EDN3: variants seen among roughly 807,000 people sequenced by gnomAD.
EDN3 encodes the protein endothelin 3, also known as endothelin-3.
A neutral mutation model predicts 21.4 loss-of-function variants in EDN3; 9 were observed. The observed-to-expected ratio is 0.42, with a 90% confidence interval of 0.25 to 0.73. EDN3 has a LOEUF of 0.73. Ranked by LOEUF, EDN3 falls within the 30% of genes least tolerant of loss-of-function variation. EDN3 has a pLI of 0.26. For missense variants in EDN3, 327 were observed against 309.4 expected (o/e 1.06, Z -0.43); for synonymous variants, 133 against 126.2 (o/e 1.05, Z -0.36).
At chr20:59,321,401 C>G (rs1274565183) in intron 3 of EDN3, among the ~76,000 whole-genome samples, 1 of 152,330 alleles carries the variant, frequency 6.6e-6, no homozygotes, top group African/African-American at 2.4e-5. Flanking sequence ...CGTCCCCACC[C>G]CCTTGCTGCC....
chr20:59,318,579 T>G (rs3026583), intron 2 of EDN3, among the ~76,000 whole-genome samples: 1 of 152,142 alleles, frequency 6.6e-6, no homozygotes, highest in African/African-American at 2.4e-5. Context: ...GTCAGCAGAC[T>G]GCACACCCGG....
chr20:59,301,638 C>A lies in EDN3; in HGVS notation c.281C>A (p.Ser94Tyr), dbSNP rs1195179854. The change falls in exon 2 of 5, where the codon TCC becomes TAC. Residue 94 changes from serine to tyrosine, a missense_variant. Transcript: ENST00000337938. ...GAGGGGGCCCCTGAGCACCACCGAT[C>A]CAGGCGCTGCACGTGCTTCACCTAC... is the stretch of plus-strand genomic sequence containing the variant. ...AAEGAPEHHRSRRCTCFTYKD... is the reference protein window; with the variant it reads ...AAEGAPEHHRYRRCTCFTYKD... The A allele has an allele frequency of 1.2e-6, 2 of 1,614,076 alleles. No individual in the cohort carries two copies.
At chr20:59,311,052 CA>C (rs928697186) in intron 2 of EDN3, among the ~76,000 whole-genome samples, 62 of 150,844 alleles carry the variant, frequency 4.1e-4, no homozygotes, top group East Asian at 2.1e-3. Context: ...AAAATGAGTG[CA>C]AAAAAAAATT....
At chr20:59,312,252 C>T (rs1237162997) in intron 2 of EDN3, among the ~76,000 whole-genome samples, 1 of 152,186 alleles carries the variant, frequency 6.6e-6, no homozygotes, top group Non-Finnish European at 1.5e-5. Flanking sequence ...GAGAGAAACT[C>T]TAGCCTAACT....
At position 59,306,095 on chromosome 20, in the gene EDN3, G is replaced by A. The variant is rs184681764; in HGVS notation, c.365+4373G>A. Among the ~76,000 whole-genome samples, 90 of 152,176 alleles carry A rather than the reference G, an allele frequency of 5.9e-4. No individual in the cohort carries two copies. In the East Asian group the frequency reaches 0.017, roughly 28 times the overall value. ...AAAGAGCCCCACTGTGCTCCTCCCCGCCCCATGAGCTGAGGGATCCTGCCA... is the reference window on the plus strand; with the variant it reads ...AAAGAGCCCCACTGTGCTCCTCCCCACCCCATGAGCTGAGGGATCCTGCCA... On this transcript the variant is annotated intron_variant, in intron 2 of 4. Coordinates refer to ENST00000337938, the MANE Select transcript of EDN3 (RefSeq NM_207034.3).
At chr20:59,304,706 A>C (rs949256931) in intron 2 of EDN3, among the ~76,000 whole-genome samples, 1 of 152,024 alleles carries the variant, frequency 6.6e-6, no homozygotes, top group Non-Finnish European at 1.5e-5. Flanking sequence ...CATCTCCTCA[A>C]GGGAAGTTAA....
At chr20:59,317,169 T>C (rs1990236804) in intron 2 of EDN3, among the ~76,000 whole-genome samples, 1 of 152,142 alleles carries the variant, frequency 6.6e-6, no homozygotes, top group Non-Finnish European at 1.5e-5. Flanking sequence ...AGGCCACAAA[T>C]GAAATATGAA....
At chr20:59,302,000 A>C (rs1338612769) in intron 2 of EDN3, among the ~76,000 whole-genome samples, 1 of 152,110 alleles carries the variant, frequency 6.6e-6, no homozygotes, top group Non-Finnish European at 1.5e-5. Flanking sequence ...AAGTGAACTG[A>C]CCAGGGGGAT....
chr20:59,317,285 T>G (rs1195816388), intron 2 of EDN3, among the ~76,000 whole-genome samples: 2 of 152,232 alleles, frequency 1.3e-5, no homozygotes, highest in Non-Finnish European at 2.9e-5. Context: ...TGAGGTGACC[T>G]GTGGCCTTGG....
rs140300253 is a variant in EDN3, at chr20:59,323,953, T to C, written c.589-378T>C. 9.2e-5 allele frequency among the ~76,000 whole-genome samples: 14 copies of C among 152,344 alleles called. No individual in the cohort carries two copies. In the East Asian group the frequency reaches 2.1e-3, roughly 23 times the overall value. ...GTAAAGCTCTAGTAAGAAGCTTTAC[T>C]TGGGAAGAAAAAGTCTCTTATTAAG... On this transcript the variant is annotated intron_variant, in intron 4 of 4. Transcript: ENST00000337938.
Position 59,300,731 on chromosome 20 carries a change from A to C in EDN3, c.-82A>C. 1 of 1,457,898 alleles carries C rather than the reference A, an allele frequency of 6.9e-7. No individual in the cohort carries two copies. Among genetic ancestry groups the C allele is most frequent in the South Asian group, 1.2e-5 (1 of 83,398 alleles). 90.3% of individuals were successfully genotyped at this position (1,457,898 alleles called of 1,614,324 possible). A position where few individuals can be genotyped will look rare whatever the true frequency, so the allele number is the denominator to read the frequency against. ...ACCCCCACAGCTGGAGGGCGAGGCCAGCTGTACCCGGCCCCAGTGCCCTTT... is the reference window on the plus strand; with the variant it reads ...ACCCCCACAGCTGGAGGGCGAGGCCCGCTGTACCCGGCCCCAGTGCCCTTT... On this transcript the variant is annotated 5_prime_UTR_variant, in exon 1 of 5. Transcript: ENST00000337938.
intron 2 of EDN3, among the ~76,000 whole-genome samples, chr20:59,307,466 G>C (rs1208525949): frequency 6.6e-6 from 1 of 152,248 alleles, no homozygotes; most frequent in East Asian, 1.9e-4. Context: ...CAGCCCAGAA[G>C]TTTGGCCCTG....
chr20:59,304,506 CTTGAACT>C (rs1055828421), intron 2 of EDN3, among the ~76,000 whole-genome samples: 1 of 152,206 alleles, frequency 6.6e-6, no homozygotes, highest in Non-Finnish European at 1.5e-5. Flanking sequence ...AGTCAGGGGT[CTTGAACT>C]TTGGGTGCTT....
intron 2 of EDN3, among the ~76,000 whole-genome samples, chr20:59,308,662 G>A (rs1344642896): frequency 2.0e-5 from 3 of 152,222 alleles, no homozygotes; most frequent in South Asian, 2.1e-4. Context: ...TACACAGGGC[G>A]TGGTTAGCAC....
At chr20:59,302,062 C>G (rs1254856882) in intron 2 of EDN3, among the ~76,000 whole-genome samples, 3 of 152,104 alleles carry the variant, frequency 2.0e-5, no homozygotes, top group South Asian at 2.1e-4. Flanking sequence ...GAGAAAGCCC[C>G]GAAAGTTTAT....
chr20:59,318,533 C>G lies in EDN3; in HGVS notation c.366-2484C>G, dbSNP rs11570327. The stretch of plus-strand genomic sequence containing the variant: ...TCTACAATGTCAGCGGCAGGCTCTG[C>G]TGGGCCGTCAGCTTCCCTCACCTCC... On this transcript the variant is annotated intron_variant, in intron 2 of 4. Coordinates refer to ENST00000337938, the MANE Select transcript of EDN3 (RefSeq NM_207034.3). 1.8e-3 allele frequency among the ~76,000 whole-genome samples: 268 copies of G among 152,334 alleles called. 2 individuals are homozygous for G. Among genetic ancestry groups the G allele is most frequent in the Admixed American group, 0.015 (232 of 15,306 alleles).
chr20:59,323,970 C>T (rs766876235), intron 4 of EDN3, among the ~76,000 whole-genome samples: 3 of 152,202 alleles, frequency 2.0e-5, no homozygotes, highest in Non-Finnish European at 2.9e-5. Context: ...GAAAAAGTCT[C>T]TTATTAAGCC....
At position 59,322,254 on chromosome 20, in the gene EDN3, C is replaced by T; in HGVS notation, c.543-118C>T. ...TCAGAAACTGTGCCTGAGACGCAGTCCTTGGGGAACGCACTAATGTGCTCA... is the reference window on the plus strand; with the variant it reads ...TCAGAAACTGTGCCTGAGACGCAGTTCTTGGGGAACGCACTAATGTGCTCA... On this transcript the variant is annotated intron_variant, in intron 3 of 4. Coordinates refer to ENST00000337938, the MANE Select transcript of EDN3 (RefSeq NM_207034.3). The surrounding 1 kb of genome is among the most constrained non-coding windows in gnomAD (Gnocchi z 4.1). 8.7e-7 allele frequency: 1 copy of T among 1,147,690 alleles called. No individual in the cohort carries two copies. Among genetic ancestry groups the T allele is most frequent in the Non-Finnish European group, 1.3e-6 (1 of 765,148 alleles). The allele number at this position is 1,147,690 out of a possible 1,614,324, so 71.1% of individuals were successfully genotyped here. A position where few individuals can be genotyped will look rare whatever the true frequency, so the allele number is the denominator to read the frequency against.
In EDN3 at chr20:59,301,411, A is replaced by G; in HGVS notation, c.54A>G (p.Gly18=). The change falls in exon 2 of 5, where the codon GGA becomes GGG. Residue 18 remains glycine (G), a splice_region_variant and synonymous_variant. Transcript: ENST00000337938. ...AGCCCCTCAATCTGCCTTCTGCAGG[A>G]TTCGTGCCTTGCTCCCAGTCTGGGG... ...LFGLTVTSAA[G]FVPCSQSGDA... is the part of the protein sequence containing the mutation. 1 of 1,609,554 alleles carries G rather than the reference A, an allele frequency of 6.2e-7. No homozygotes were observed. Among genetic ancestry groups the G allele is most frequent in the Non-Finnish European group, 8.5e-7 (1 of 1,179,978 alleles).
Sources: allele counts gnomAD v4.1 joint callset (sites outside exome capture counted in the v4.1 genomes callset), GRCh38; gene constraint gnomAD v4.1.1; non-coding constraint Gnocchi (gnomAD v3.1); transcripts MANE v1.5; gene names NCBI Gene and HGNC (gene_info 2026-07-23, HGNC 2026-07-21).